DST: variants seen among roughly 807,000 people sequenced by gnomAD.
DST encodes the protein dystonin, also known as bullous pemphigoid antigen.
A neutral mutation model predicts 875.2 loss-of-function variants in DST; 253 were observed. The ratio of observed to expected loss-of-function variants is 0.29; its 90% confidence interval spans 0.26 to 0.32. The LOEUF is 0.32. Among genes scored for constraint, DST ranks in the 10% least tolerant of loss-of-function variants. The pLI is 1.00. For missense variants in DST, 8,287 were observed against 9,111.6 expected, an observed-to-expected ratio of 0.91 and a Z score of 3.68; for synonymous variants, 3,124 against 3,197.1, an observed-to-expected ratio of 0.98 and a Z score of 0.77.
intron 4 of DST, among the ~76,000 whole-genome samples, chr6:56,801,088 G>A (rs980321453): frequency 2.0e-5 from 3 of 149,920 alleles, no homozygotes; most frequent in African/African-American, 4.9e-5. Context: ...TAATCTGTTC[G>A]GTTGTCTTCA....
chr6:56,681,601 G>A (rs917806033), intron 9 of DST, among the ~76,000 whole-genome samples: 2 of 152,136 alleles, frequency 1.3e-5, no homozygotes, highest in Non-Finnish European at 2.9e-5. Context: ...AGTACCTCTT[G>A]TGTGTCATTA....
At chr6:56,846,338 G>A (rs1477545356) in intron 4 of DST, among the ~76,000 whole-genome samples, 3 of 152,234 alleles carry the variant, frequency 2.0e-5, no homozygotes, top group Non-Finnish European at 4.4e-5. Flanking sequence ...GTCATGGACA[G>A]AGAAGGAATT....
chr6:56,625,561 C>CA (rs1169043056), intron 34 of DST, among the ~76,000 whole-genome samples: 1 of 152,016 alleles, frequency 6.6e-6, no homozygotes, highest in Non-Finnish European at 1.5e-5. Flanking sequence ...ATGCATTACT[C>CA]ACGTTTGTGG....
At chr6:56,559,143 G>T (rs2097488847) in intron 58 of DST, among the ~76,000 whole-genome samples, 1 of 152,034 alleles carries the variant, frequency 6.6e-6, no homozygotes, top group African/African-American at 2.4e-5. Flanking sequence ...CATTCTACAT[G>T]ACATTTTCCA....
chr6:56,834,905 G>C (rs944732440), intron 4 of DST, among the ~76,000 whole-genome samples: 6 of 152,158 alleles, frequency 3.9e-5, no homozygotes, highest in African/African-American at 1.4e-4. Flanking sequence ...CAACTGTTTA[G>C]AGCAGTTGTA....
intron 4 of DST, among the ~76,000 whole-genome samples, chr6:56,834,715 C>T (rs570352715): frequency 1.6e-4 from 24 of 152,298 alleles, no homozygotes; most frequent in East Asian, 9.6e-4. Context: ...ATACCAAATG[C>T]TGATAGGATG....
At chr6:56,758,954 A>G (rs1018457419) in intron 4 of DST, among the ~76,000 whole-genome samples, 1 of 152,136 alleles carries the variant, frequency 6.6e-6, no homozygotes, top group African/African-American at 2.4e-5. Flanking sequence ...GAAGTTGCAC[A>G]CATGTTTTAA....
rs1415862627 is a variant in DST at position 56,606,477 on chromosome 6, A to G, written c.8151T>C (p.Asn2717=). ...CTGATCCAGTTTCCAGTGACTGTCCATTCACCTTATCTGAGCCAACAGGAT... is the reference window on the plus strand; with the variant it reads ...CTGATCCAGTTTCCAGTGACTGTCCGTTCACCTTATCTGAGCCAACAGGAT... The part of the protein sequence containing the change: ...HLNPVGSDKV[N]GQSLETGSER... Residue 2717 remains asparagine (N), a synonymous_variant, in exon 40 of 104, where the codon AAT becomes AAC. Coordinates refer to ENST00000680361, the MANE Select transcript of DST (RefSeq NM_001374736.1). 1 of 1,613,314 alleles carries G rather than the reference A, an allele frequency of 6.2e-7. No homozygotes were observed. The highest frequency in any genetic ancestry group is 1.7e-5 in the Admixed American group (1 of 59,846).
intron 2 of DST, among the ~76,000 whole-genome samples, chr6:56,912,767 A>G (rs1294094963): frequency 6.6e-6 from 1 of 152,222 alleles, no homozygotes; most frequent in Non-Finnish European, 1.5e-5. Flanking sequence ...TATGGAAACT[A>G]GGGCCAGGAT....
rs886061646 is a variant in DST at position 56,618,975 on chromosome 6, C to T, written c.4930-4491G>A. On this transcript the variant is annotated intron_variant, in intron 36 of 103. Transcript: ENST00000680361. ...TTCTCTTCTTTGGAAGCATTCAGTT[C>T]CGCATTCAGATTTCTAACTTCTTTC... The T allele has an allele frequency of 4.3e-6, 7 of 1,613,466 alleles. No homozygotes were observed. The Admixed American group carries it at 6.7e-5, about 15-fold the overall frequency.
chr6:56,619,219 T>G, intron 36 of DST: 1 of 1,613,914 alleles, frequency 6.2e-7, no homozygotes, highest in Non-Finnish European at 8.5e-7. Flanking sequence ...GCTGGATAGT[T>G]TGTTTCTCTA....
At chr6:56,808,612 A>C (rs1590897750) in intron 4 of DST, among the ~76,000 whole-genome samples, 1 of 152,232 alleles carries the variant, frequency 6.6e-6, no homozygotes, top group African/African-American at 2.4e-5. Flanking sequence ...TTAATAAAGA[A>C]GACTACGGAT....
chr6:56,472,003 G>C (rs745840792), intron 94 of DST, 56 bp downstream of exon 94: 6 of 1,571,496 alleles, frequency 3.8e-6, no homozygotes, highest in Non-Finnish European at 5.3e-6. Context: ...ATGGCAATGT[G>C]TTATGAGGAA....
chr6:56,899,800 C>T (rs1793186580), intron 3 of DST, among the ~76,000 whole-genome samples: 1 of 152,194 alleles, frequency 6.6e-6, no homozygotes, highest in South Asian at 2.1e-4. Context: ...GGGATGAAGA[C>T]CAGCTCCTAG....
intron 3 of DST, among the ~76,000 whole-genome samples, chr6:56,882,738 A>G (rs73746947): frequency 6.6e-6 from 1 of 152,386 alleles, no homozygotes; most frequent in African/African-American, 2.4e-5. Flanking sequence ...GTGAAAAGAT[A>G]TATGTGTAAT....
At chr6:56,590,858 T>C (rs2098260122) in intron 49 of DST, among the ~76,000 whole-genome samples, 2 of 152,346 alleles carry the variant, frequency 1.3e-5, no homozygotes, top group African/African-American at 4.8e-5. Context: ...CTCTGCCTGA[T>C]ATTAACCTGC....
At position 56,620,257 on chromosome 6, in the gene DST, T is replaced by G. The variant is rs563602953; in HGVS notation, c.4929+4273A>C. On this transcript the variant is annotated intron_variant, in intron 36 of 103. Coordinates refer to ENST00000680361, the MANE Select transcript of DST (RefSeq NM_001374736.1). Reference sequence around the variant, plus strand: ...GCTCCAAATCATTGAGACTTAAATCTTTTCTTTTAAGATGATCTTCCAGTG... The same window carrying G: ...GCTCCAAATCATTGAGACTTAAATCGTTTCTTTTAAGATGATCTTCCAGTG... The G allele has an allele frequency of 4.3e-6, 7 of 1,614,064 alleles. No individual in the cohort carries two copies. In the African/African-American group the frequency reaches 8.0e-5, roughly 18 times the overall value.
At chr6:56,599,952 G>T in intron 45 of DST, 117 bp downstream of exon 45, 1 of 933,538 alleles carries the variant, frequency 1.1e-6, no homozygotes, top group Non-Finnish European at 1.6e-6. Context: ...TCTTGGGTAT[G>T]CCTTGCTTCT....
intron 4 of DST, among the ~76,000 whole-genome samples, chr6:56,824,843 C>T (rs1346676116): frequency 3.3e-5 from 5 of 151,656 alleles, no homozygotes; most frequent in Admixed American, 2.0e-4. Flanking sequence ...GGAGCGTCTC[C>T]GCCCCGCAGC....
Sources: gnomAD v4.1 joint callset for allele counts (sites outside exome capture counted in the v4.1 genomes callset) on GRCh38, gnomAD v4.1.1 for gene constraint, MANE v1.5 for transcripts, NCBI Gene and HGNC (gene_info 2026-07-23, HGNC 2026-07-21) for gene names.